CAD: variants seen among roughly 807,000 people sequenced by gnomAD.
CAD encodes multifunctional protein CAD.
Under a neutral mutation model 237.2 loss-of-function variants are expected in CAD, and 81 were observed. That is an observed-to-expected ratio of 0.34 (90% confidence interval 0.29 to 0.41). The LOEUF is 0.41. CAD is among the 10% of genes least tolerant of loss of function. The pLI, the probability that CAD is intolerant of heterozygous loss-of-function variation, is 1.00. For synonymous variants in CAD, 1,196 were observed against 1,162.8 expected (o/e 1.03, Z -0.58); for missense variants, 2,181 against 2,951.7 (o/e 0.74, Z 6.05).
At position 27,235,576 on chromosome 2, in the gene CAD, G is replaced by C. The variant is rs1399874809; in HGVS notation, c.4010G>C (p.Ser1337Thr). Residue 1337 changes from serine to threonine, a missense_variant, in exon 25 of 44, where the codon AGC becomes ACC. Coordinates refer to ENST00000264705, the MANE Select transcript of CAD (RefSeq NM_004341.5). The surrounding 1 kb of genome is among the most constrained non-coding windows in gnomAD (Gnocchi z 5.2). ...CTCCCAACTGTGCGGCTACTGGAGA[G>C]CCTGGGCTACAGCCTCTATGCCAGT... ...ELLPTVRLLE[S>T]LGYSLYASLG... 6.2e-7 allele frequency: 1 copy of C among 1,614,202 alleles called. No individual in the cohort carries two copies. The highest frequency in any genetic ancestry group is 1.3e-5 in the African/African-American group (1 of 75,046).
At chr2:27,226,084 C>T (rs757605373) in intron 12 of CAD, 47 bp from the exon 13 acceptor site, 1 of 1,582,682 alleles carries the variant, frequency 6.3e-7, no homozygotes, top group Non-Finnish European at 8.7e-7. Context: ...CCTTCTGCCT[C>T]TCCTGACTCT....
chr2:27,232,395 C>T lies in CAD; in HGVS notation c.2646-53C>T. 6.2e-7 allele frequency: 1 copy of T among 1,607,078 alleles called. No homozygotes were observed. The highest frequency in any genetic ancestry group is 8.5e-7 in the Non-Finnish European group (1 of 1,176,242). ...GTGCCCTGGGGTCTCAACCCTCTAT[C>T]AGTCTGTACCCTACTCTCTGGGCCT... On this transcript the variant is annotated intron_variant, in intron 17 of 43. Coordinates refer to ENST00000264705, the MANE Select transcript of CAD (RefSeq NM_004341.5). The surrounding 1 kb of genome is among the most constrained non-coding windows in gnomAD (Gnocchi z 4.1).
chr2:27,217,844 C>CT, intron 1 of CAD, 33 bp from the exon 2 acceptor site: 1 of 1,563,608 alleles, frequency 6.4e-7, no homozygotes, highest in Non-Finnish European at 8.7e-7. Context: ...GAAGGGTGCC[C>CT]TACCGGAGCC....
chr2:27,221,435 A>T, intron 3 of CAD, 88 bp downstream of exon 3: 1 of 1,186,682 alleles, frequency 8.4e-7, no homozygotes, highest in Non-Finnish European at 1.1e-6. Flanking sequence ...CTGGGACCTG[A>T]CTCTAAGATT....
rs754109583 is a variant in CAD, at chr2:27,222,672, G to C, written c.637+12G>C. The C allele has an allele frequency of 3.1e-6, 5 of 1,610,086 alleles. No individual in the cohort carries two copies. The East Asian group carries it at 1.1e-4, about 36-fold the overall frequency. On this transcript the variant is annotated intron_variant, in intron 5 of 43. Coordinates refer to ENST00000264705, the MANE Select transcript of CAD (RefSeq NM_004341.5). ...ACTAGACAGCCAAGGTGAGTAGCTG[G>C]GGCCTGTTCAGGGCCTCAGACAAGC...
chr2:27,219,114 G>T (rs1339265634), intron 2 of CAD, among the ~76,000 whole-genome samples: 10 of 152,176 alleles, frequency 6.6e-5, no homozygotes, highest in Admixed American at 3.3e-4. Flanking sequence ...TAGGATCAGG[G>T]TGGGAAAGGC....
In CAD at chr2:27,223,670, C is replaced by T; in HGVS notation, c.917C>T (p.Ala306Val). The T allele has an allele frequency of 6.2e-7, 1 of 1,614,202 alleles. No individual in the cohort carries two copies. Among genetic ancestry groups the T allele is most frequent in the Non-Finnish European group, 8.5e-7 (1 of 1,180,026 alleles). Residue 306 changes from alanine to valine, a missense_variant, in exon 7 of 44, where the codon GCA becomes GTA. Transcript: ENST00000264705. ...GFAVETDSLP[A>V]DWAPLFTNAN... Reference sequence around the variant, plus strand: ...GCTGTGGAGACAGACTCACTGCCAGCAGACTGGGCTCCTCTCTTCACCAAC... The same window carrying T: ...GCTGTGGAGACAGACTCACTGCCAGTAGACTGGGCTCCTCTCTTCACCAAC...
chr2:27,233,609 C>A lies in CAD; in HGVS notation c.3217-17C>A. On this transcript the variant is annotated splice_polypyrimidine_tract_variant and intron_variant, in intron 20 of 43. Transcript: ENST00000264705. This position sits in a 1 kb window ranked among gnomAD's most constrained non-coding sequence, Gnocchi z 6.3. ...GGAAAGTGTGAACAACTCAGCTAAGCTCCCTGCCTCCTGTAGTCTGCTCGC... is the reference window on the plus strand; with the variant it reads ...GGAAAGTGTGAACAACTCAGCTAAGATCCCTGCCTCCTGTAGTCTGCTCGC... 1 of 1,614,068 alleles carries A rather than the reference C, an allele frequency of 6.2e-7. No homozygotes were observed. The highest frequency in any genetic ancestry group is 8.5e-7 in the Non-Finnish European group (1 of 1,179,994).
rs1676324725 is a variant in CAD, at chr2:27,241,669, G to C, written c.5884-242G>C. Among the ~76,000 whole-genome samples, 1 of 152,234 alleles carries C rather than the reference G, an allele frequency of 6.6e-6. No homozygotes were observed. The highest frequency in any genetic ancestry group is 6.5e-5 in the Admixed American group (1 of 15,288). ...TGCAATCATGGGAGAGAGCTAGGGT[G>C]TGTCCTCCTTTCCCAGCTCGTTCAG... is the stretch of plus-strand genomic sequence containing the variant. On this transcript the variant is annotated intron_variant, in intron 38 of 43. Coordinates refer to ENST00000264705, the MANE Select transcript of CAD (RefSeq NM_004341.5). This position sits in a 1 kb window ranked among gnomAD's most constrained non-coding sequence, Gnocchi z 4.6.
chr2:27,219,893 C>CT (rs1225772457), intron 2 of CAD, among the ~76,000 whole-genome samples: 1 of 152,096 alleles, frequency 6.6e-6, no homozygotes, highest in Non-Finnish European at 1.5e-5. Flanking sequence ...CTGGCCTTTT[C>CT]TTTTTTAAAT....
Position 27,238,095 on chromosome 2 carries a change from C to G in CAD, c.4768C>G (p.His1590Asp). Residue 1590 changes from histidine (H) to aspartate (D), a missense_variant, in exon 30 of 44, where the codon CAC becomes GAC. Transcript: ENST00000264705. The stretch of plus-strand genomic sequence containing the variant: ...GCCCTCCCACCTCCCCATTGTGGCT[C>G]ACGCAGAGCAGCAAACCGTGGCTGC... Reference protein sequence around the residue: ...TWPSHLPIVAHAEQQTVAAVL... With the variant: ...TWPSHLPIVADAEQQTVAAVL... 6.2e-7 allele frequency: 1 copy of G among 1,614,212 alleles called. No individual in the cohort carries two copies. The highest frequency in any genetic ancestry group is 8.5e-7 in the Non-Finnish European group (1 of 1,180,044).
rs115166256 is a variant in CAD at position 27,229,120 on chromosome 2, A to G, written c.2287+2158A>G. On this transcript the variant is annotated intron_variant, in intron 15 of 43. Coordinates refer to ENST00000264705, the MANE Select transcript of CAD (RefSeq NM_004341.5). Reference sequence around the variant, plus strand: ...TTTTAGTAGAGACGGGGGTTTCATCATACTGCTTAGGATGGTCTCGATCTC... The same window carrying G: ...TTTTAGTAGAGACGGGGGTTTCATCGTACTGCTTAGGATGGTCTCGATCTC... Among the ~76,000 whole-genome samples, 1,341 of 149,230 alleles carry G rather than the reference A, an allele frequency of 9.0e-3. 23 individuals carry two copies. Among genetic ancestry groups the G allele is most frequent in the African/African-American group, 0.03 (1,227 of 40,502 alleles).
At chr2:27,219,092 T>C (rs1675021273) in intron 2 of CAD, among the ~76,000 whole-genome samples, 1 of 152,224 alleles carries the variant, frequency 6.6e-6, no homozygotes. Context: ...AACTACAAAA[T>C]TGAGGCCTGA....
chr2:27,232,496 A>G lies in CAD; in HGVS notation c.2694A>G (p.Pro898=). 1 of 1,614,214 alleles carries G rather than the reference A, an allele frequency of 6.2e-7. No homozygotes were observed. The highest frequency in any genetic ancestry group is 8.5e-7 in the Non-Finnish European group (1 of 1,180,026). ...TGCGTCAGGAACTGGGGATCTGTCCAGCAGTGAAACAGATTGACACAGTTG... is the reference window on the plus strand; with the variant it reads ...TGCGTCAGGAACTGGGGATCTGTCCGGCAGTGAAACAGATTGACACAGTTG... ...RKLRQELGIC[P]AVKQIDTVAA... is the part of the protein sequence containing the mutation. The change falls in exon 18 of 44, where the codon CCA becomes CCG. Residue 898 remains proline, a synonymous_variant. Coordinates refer to ENST00000264705, the MANE Select transcript of CAD (RefSeq NM_004341.5). This position sits in a 1 kb window ranked among gnomAD's most constrained non-coding sequence, Gnocchi z 4.1.
chr2:27,225,480 A>G (rs1303669826), intron 11 of CAD, among the ~76,000 whole-genome samples: 3 of 150,700 alleles, frequency 2.0e-5, no homozygotes, highest in African/African-American at 7.3e-5. Flanking sequence ...CTAATTTTGT[A>G]TTTTTAGTAG....
rs758545201 is a variant in CAD at position 27,236,555 on chromosome 2, T to G, written c.4314+32T>G. 5 of 1,605,666 alleles carry G rather than the reference T, an allele frequency of 3.1e-6. No individual in the cohort carries two copies. The Middle Eastern group carries it at 8.3e-4, about 265-fold the overall frequency. ...GAGACCCATGTGCTGGGAGGGAGAC[T>G]GCCAGTGTTGATGGGAAGAAGAAAG... On this transcript the variant is annotated intron_variant, in intron 26 of 43. Coordinates refer to ENST00000264705, the MANE Select transcript of CAD (RefSeq NM_004341.5). This position sits in a 1 kb window ranked among gnomAD's most constrained non-coding sequence, Gnocchi z 4.1.
intron 23 of CAD, 75 bp downstream of exon 23, chr2:27,234,760 G>A (rs888852207): frequency 3.5e-6 from 5 of 1,425,172 alleles, no homozygotes; most frequent in African/African-American, 1.4e-5. Flanking sequence ...AGAGTTGTCA[G>A]TATGTAAACC....
chr2:27,218,251 A>G (rs557308433), intron 2 of CAD, among the ~76,000 whole-genome samples: 57 of 152,376 alleles, frequency 3.7e-4, no homozygotes, highest in African/African-American at 1.2e-3. Flanking sequence ...TAAGGGCATC[A>G]AGGCTCCAGG....
chr2:27,222,464 T>G, intron 4 of CAD, 55 bp from the exon 5 acceptor site: 1 of 1,601,176 alleles, frequency 6.2e-7, no homozygotes, highest in Non-Finnish European at 8.5e-7. Flanking sequence ...CAGGCATATC[T>G]TATACCCACT....
Sources: gnomAD v4.1 joint callset for allele counts (sites outside exome capture counted in the v4.1 genomes callset) on GRCh38, gnomAD v4.1.1 for gene constraint, Gnocchi (gnomAD v3.1) non-coding constraint, MANE v1.5 for transcripts, NCBI Gene and HGNC (gene_info 2026-07-23, HGNC 2026-07-21) for gene names.